DEPTOR: variants seen among roughly 807,000 people sequenced by gnomAD.
The protein encoded by DEPTOR is DEP domain-containing mTOR-interacting protein.
A neutral mutation model predicts 41.6 loss-of-function variants in DEPTOR; 41 were observed. The ratio of observed to expected loss-of-function variants is 0.98; its 90% CI spans 0.77 to 1.28. The LOEUF (loss-of-function observed/expected upper bound fraction) is 1.28. Among genes scored for constraint, DEPTOR ranks in the 50% most tolerant of loss-of-function variants. DEPTOR has a pLI of 0.00. For missense variants in DEPTOR, 514 were observed against 527.9 expected, an observed-to-expected ratio of 0.97 and a Z score of 0.26; for synonymous variants, 195 against 192.3, an observed-to-expected ratio of 1.01 and a Z score of -0.12.
At position 120,001,582 on chromosome 8, in the gene DEPTOR, T is replaced by C. The variant is rs747262638; in HGVS notation, c.662T>C (p.Phe221Ser). 6 of 1,613,940 alleles carry C rather than the reference T, an allele frequency of 3.7e-6. No homozygotes were observed. The highest frequency in any genetic ancestry group is 1.7e-4 in the Middle Eastern group (1 of 6,060). Residue 221 changes from phenylalanine to serine, a missense_variant, in exon 5 of 9, where the codon TTC becomes TCC. Physicochemically the swap from Phe to Ser is radical, Grantham distance 155. Coordinates refer to ENST00000286234, the MANE Select transcript of DEPTOR (RefSeq NM_022783.4). ...CTTCTCTACCAGTTCAGAATGAACT[T>C]CCGGCGGAGGCGAAGACTGATGGAG... Reference protein sequence around the residue: ...SNLLYQFRMNFRRRRRLMELL... With the variant: ...SNLLYQFRMNSRRRRRLMELL...
At chr8:119,938,297 T>C (rs970580256) in intron 3 of DEPTOR, among the ~76,000 whole-genome samples, 2 of 152,162 alleles carry the variant, frequency 1.3e-5, no homozygotes, top group African/African-American at 4.8e-5. Flanking sequence ...AATTTGAAAA[T>C]GGATTATATG....
At chr8:120,023,437 C>G (rs1172627427) in intron 8 of DEPTOR, among the ~76,000 whole-genome samples, 1 of 151,966 alleles carries the variant, frequency 6.6e-6, no homozygotes, top group Admixed American at 6.6e-5. Flanking sequence ...TACGGGGCCA[C>G]CACGCCCAGC....
At chr8:119,910,019 G>T (rs910701534) in intron 1 of DEPTOR, among the ~76,000 whole-genome samples, 1 of 152,230 alleles carries the variant, frequency 6.6e-6, no homozygotes, top group East Asian at 1.9e-4. Context: ...TGGCTTTGGC[G>T]CCTCTTGTAT....
At chr8:120,007,058 A>G (rs150035125) in intron 7 of DEPTOR, among the ~76,000 whole-genome samples, 183 bp downstream of exon 7, 2 of 152,352 alleles carry the variant, frequency 1.3e-5, no homozygotes, top group East Asian at 3.9e-4. Context: ...AGGACTTCAC[A>G]TGCGTTATTA....
intron 3 of DEPTOR, among the ~76,000 whole-genome samples, chr8:119,933,051 G>A (rs1828065397): frequency 6.6e-6 from 1 of 152,136 alleles, no homozygotes; most frequent in Admixed American, 6.5e-5. Flanking sequence ...GATTTTAAAT[G>A]TAATGGGAGG....
At chr8:119,954,046 T>C (rs1258414906) in intron 3 of DEPTOR, among the ~76,000 whole-genome samples, 2 of 92,338 alleles carry the variant, frequency 2.2e-5, no homozygotes, top group African/African-American at 3.3e-5. Context: ...CCTCAGGTGA[T>C]CCACCCGCCT....
In DEPTOR at chr8:119,883,878, A is replaced by G. The variant is rs147634126; in HGVS notation, c.122+9910A>G. Among the ~76,000 whole-genome samples, 7 of 152,300 alleles carry G rather than the reference A, an allele frequency of 4.6e-5. No homozygotes were observed. In the East Asian group the frequency reaches 1.4e-3, roughly 29 times the overall value. On this transcript the variant is annotated intron_variant, in intron 1 of 8. Coordinates refer to ENST00000286234, the MANE Select transcript of DEPTOR (RefSeq NM_022783.4). ...CCATGAGGCACTCCTTTGAGTGATG[A>G]AACTATTACAGCTATAGAGAACAGA...
intron 3 of DEPTOR, among the ~76,000 whole-genome samples, chr8:119,931,108 A>G (rs1417226442): frequency 2.6e-5 from 4 of 152,060 alleles, no homozygotes; most frequent in African/African-American, 4.8e-5. Context: ...GCTACTTGGT[A>G]GGCTGGGTAC....
intron 1 of DEPTOR, among the ~76,000 whole-genome samples, chr8:119,895,887 C>T (rs1827514115): frequency 6.6e-6 from 1 of 152,176 alleles, no homozygotes; most frequent in Admixed American, 6.6e-5. Context: ...GAAATGAGGA[C>T]TTTAAACTTT....
At chr8:119,879,630 G>A (rs1327798312) in intron 1 of DEPTOR, among the ~76,000 whole-genome samples, 3 of 152,064 alleles carry the variant, frequency 2.0e-5, no homozygotes, top group African/African-American at 7.2e-5. Context: ...AGAATAGCTT[G>A]AACCCAGGAG....
intron 3 of DEPTOR, 89 bp from the exon 4 acceptor site, chr8:119,965,143 C>A: frequency 7.2e-7 from 1 of 1,391,566 alleles, no homozygotes; most frequent in African/African-American, 1.4e-5. Context: ...GACAACTTTG[C>A]TGTAGTACTT....
At chr8:120,005,485 C>G (rs10755922) in intron 6 of DEPTOR, among the ~76,000 whole-genome samples, 23,564 of 151,992 alleles carry the variant, frequency 0.16, 3,006 homozygotes, top group African/African-American at 0.35. Flanking sequence ...TAGATCATCA[C>G]GCCTTGCCCC....
chr8:119,983,128 G>A (rs561029699), intron 4 of DEPTOR, among the ~76,000 whole-genome samples: 5 of 152,308 alleles, frequency 3.3e-5, no homozygotes, highest in African/African-American at 1.2e-4. Flanking sequence ...TGGGTATACC[G>A]ATGTTAATGT....
Position 120,015,650 on chromosome 8 carries a change from G to GA in DEPTOR, c.1101+6517_1101+6518insA, listed in dbSNP as rs1812597424. Among the ~76,000 whole-genome samples the GA allele has an allele frequency of 5.3e-5, 8 of 152,146 alleles. No individual in the cohort carries two copies. In the South Asian group the frequency reaches 1.2e-3, roughly 24 times the overall value. ...TTTTAAGAAGTAGAGAGTCTAATAGGCAAGAAAGATGGGAGGAGGCCGAAG... is the reference window on the plus strand; with the variant it reads ...TTTTAAGAAGTAGAGAGTCTAATAGGACAAGAAAGATGGGAGGAGGCCGAAG... On this transcript the variant is annotated intron_variant, in intron 8 of 8. Coordinates refer to ENST00000286234, the MANE Select transcript of DEPTOR (RefSeq NM_022783.4).
intron 3 of DEPTOR, among the ~76,000 whole-genome samples, chr8:119,955,153 C>G (rs1004418063): frequency 1.3e-5 from 2 of 152,084 alleles, no homozygotes; most frequent in South Asian, 4.1e-4. Context: ...CCACTGCACC[C>G]GGCCTCTATG....
At chr8:120,018,969 A>G (rs1812654512) in intron 8 of DEPTOR, among the ~76,000 whole-genome samples, 1 of 152,284 alleles carries the variant, frequency 6.6e-6, no homozygotes, top group African/African-American at 2.4e-5. Flanking sequence ...TTAGACCTTC[A>G]TGGGGTTTAT....
At chr8:119,895,088 C>T (rs1374486610) in intron 1 of DEPTOR, among the ~76,000 whole-genome samples, 1 of 152,112 alleles carries the variant, frequency 6.6e-6, no homozygotes, top group Admixed American at 6.6e-5. Flanking sequence ...GATAATCTTC[C>T]TGGATAAAGG....
intron 1 of DEPTOR, among the ~76,000 whole-genome samples, chr8:119,887,940 C>CCT (rs58514108): frequency 0.5 from 75,094 of 151,670 alleles, 20,280 homozygotes; most frequent in East Asian, 0.92. Context: ...CCTGCCTCAG[C>CCT]CTCTGAGTAG....
At chr8:119,962,264 AC>A (rs1828503656) in intron 3 of DEPTOR, among the ~76,000 whole-genome samples, 1 of 152,010 alleles carries the variant, frequency 6.6e-6, no homozygotes, top group Non-Finnish European at 1.5e-5. Flanking sequence ...CTCAAACAAA[AC>A]AAAACAAAAA....
Sources: allele counts gnomAD v4.1 joint callset (sites outside exome capture counted in the v4.1 genomes callset), GRCh38; gene constraint gnomAD v4.1.1; transcripts MANE v1.5; gene names NCBI Gene and HGNC (gene_info 2026-07-23, HGNC 2026-07-21).